The following MOXD1 variants were observed in gnomAD, a reference collection of about 807,000 sequenced individuals.
MOXD1 encodes the protein DBH-like monooxygenase protein 1.
In MOXD1, 62 loss-of-function variants were observed where a neutral mutation model predicts 66.6. That is an observed-to-expected ratio of 0.93 (90% CI 0.76 to 1.15). The LOEUF (loss-of-function observed/expected upper bound fraction) is 1.15, where lower values mean the gene tolerates loss of function less well. Ranked by LOEUF, MOXD1 falls within the 50% of genes most tolerant of loss-of-function variation. The probability of loss-of-function intolerance (pLI) is 0.00; values close to 1 mark genes in which losing one functional copy is unlikely to be tolerated. For synonymous variants in MOXD1, 303 were observed against 281.9 expected (o/e 1.07, Z -0.75); for missense variants, 847 against 754.6 (o/e 1.12, Z -1.44).
At chr6:132,395,928 C>T (rs1270105920) in intron 1 of MOXD1, among the ~76,000 whole-genome samples, 1 of 152,150 alleles carries the variant, frequency 6.6e-6, no homozygotes, top group Non-Finnish European at 1.5e-5. Context: ...GAGTGATAGA[C>T]TCCAACACAG....
intron 1 of MOXD1, among the ~76,000 whole-genome samples, chr6:132,381,646 A>G (rs1013247325): frequency 6.6e-6 from 1 of 152,206 alleles, no homozygotes; most frequent in African/African-American, 2.4e-5. Context: ...AATGAATTTA[A>G]GTCTCCTGAC....
chr6:132,321,632 G>A (rs1458562436), intron 8 of MOXD1, among the ~76,000 whole-genome samples: 21 of 152,086 alleles, frequency 1.4e-4, no homozygotes, highest in Admixed American at 1.2e-3. Context: ...CTCCCTGCAC[G>A]CCACTCAGAG....
chr6:132,305,324 C>A (rs1774664035), intron 10 of MOXD1, among the ~76,000 whole-genome samples: 1 of 152,248 alleles, frequency 6.6e-6, no homozygotes, highest in Admixed American at 6.5e-5. Flanking sequence ...TGGAGGAACT[C>A]CAATGACTCC....
At chr6:132,306,199 G>A (rs528294162) in intron 10 of MOXD1, among the ~76,000 whole-genome samples, 3 of 152,098 alleles carry the variant, frequency 2.0e-5, no homozygotes, top group South Asian at 2.1e-4. Flanking sequence ...AATACAGCAC[G>A]AGAATTTCAT....
chr6:132,399,415 A>G (rs1169082222), intron 1 of MOXD1, among the ~76,000 whole-genome samples: 1 of 152,220 alleles, frequency 6.6e-6, no homozygotes, highest in Admixed American at 6.5e-5. Flanking sequence ...GTATTCACTA[A>G]TTACTTTAAG....
rs191888397 is a variant in MOXD1 at position 132,301,862 on chromosome 6, A to G, written c.1509-3907T>C. ...ATAGCACAGAACTATGATCCCCAAA[A>G]GGAAGGAAACAAATAAGGTGTTTGA... On this transcript the variant is annotated intron_variant, in intron 10 of 11. Transcript: ENST00000367963. 1.5e-3 allele frequency among the ~76,000 whole-genome samples: 227 copies of G among 152,308 alleles called. 1 individual carries two copies. Among genetic ancestry groups the G allele is most frequent in the Non-Finnish European group, 4.6e-4 (31 of 68,026 alleles).
intron 4 of MOXD1, among the ~76,000 whole-genome samples, chr6:132,346,117 G>A (rs1407591732): frequency 6.6e-6 from 1 of 151,744 alleles, no homozygotes; most frequent in East Asian, 1.9e-4. Context: ...CCAAGAAAGG[G>A]CAGAACTTAA....
intron 9 of MOXD1, among the ~76,000 whole-genome samples, chr6:132,318,283 T>C (rs1182881876): frequency 1.3e-5 from 2 of 152,062 alleles, no homozygotes; most frequent in Admixed American, 1.3e-4. Flanking sequence ...AATGCCATAC[T>C]TTTCCCCAAG....
intron 4 of MOXD1, among the ~76,000 whole-genome samples, chr6:132,358,459 G>T (rs1328010920): frequency 1.3e-5 from 2 of 152,152 alleles, no homozygotes; most frequent in Non-Finnish European, 2.9e-5. Context: ...TCTAGAAAAT[G>T]GCAGAGGTAG....
intron 1 of MOXD1, among the ~76,000 whole-genome samples, chr6:132,398,052 C>A (rs925592172): frequency 1.3e-5 from 2 of 152,200 alleles, no homozygotes; most frequent in Non-Finnish European, 2.9e-5. Flanking sequence ...CCTTCCCACT[C>A]CTTCACCCTT....
At chr6:132,343,333 G>A (rs1434779058) in intron 4 of MOXD1, among the ~76,000 whole-genome samples, 3 of 152,198 alleles carry the variant, frequency 2.0e-5, no homozygotes, top group African/African-American at 7.2e-5. Context: ...CCATCACTTT[G>A]GGAGACTGAG....
At chr6:132,297,730 G>A in intron 11 of MOXD1, 57 bp downstream of exon 11, 2 of 1,512,120 alleles carry the variant, frequency 1.3e-6, no homozygotes, top group East Asian at 2.3e-5. Flanking sequence ...AGGTTTTCCT[G>A]TAATAGATTC....
chr6:132,372,503 A>G (rs988389938), intron 4 of MOXD1, 105 bp downstream of exon 4: 3 of 1,114,534 alleles, frequency 2.7e-6, no homozygotes, highest in Middle Eastern at 2.8e-4. Flanking sequence ...AAAACTTTCA[A>G]ATAATTGAAA....
intron 1 of MOXD1, among the ~76,000 whole-genome samples, chr6:132,386,275 G>A (rs1283591655): frequency 6.8e-6 from 1 of 146,154 alleles, no homozygotes; most frequent in Non-Finnish European, 1.5e-5. Flanking sequence ...CGTGGCGGGC[G>A]CCTGTAGTCC....
chr6:132,303,852 T>C (rs547184214), intron 10 of MOXD1, among the ~76,000 whole-genome samples: 1 of 68,662 alleles, frequency 1.5e-5, no homozygotes, highest in Non-Finnish European at 2.4e-5. Context: ...TATATATATA[T>C]ATATATATAT....
chr6:132,313,051 T>C (rs1774865826), intron 10 of MOXD1, among the ~76,000 whole-genome samples: 1 of 106,964 alleles, frequency 9.3e-6, no homozygotes, highest in Non-Finnish European at 1.7e-5. Flanking sequence ...ATGTGATGCT[T>C]GGATTTTTGT....
At chr6:132,318,024 G>A (rs2051029236) in intron 9 of MOXD1, among the ~76,000 whole-genome samples, 1 of 151,854 alleles carries the variant, frequency 6.6e-6, no homozygotes, top group African/African-American at 2.4e-5. Flanking sequence ...AGTTAATATA[G>A]GCAGCTTTCA....
intron 4 of MOXD1, among the ~76,000 whole-genome samples, chr6:132,328,829 A>G (rs773711909): frequency 6.6e-6 from 1 of 152,224 alleles, no homozygotes; most frequent in Non-Finnish European, 1.5e-5. Context: ...TCCAAGAAAC[A>G]GGACTTTACT....
chr6:132,311,063 C>T (rs975203335), intron 10 of MOXD1, among the ~76,000 whole-genome samples: 2 of 152,158 alleles, frequency 1.3e-5, no homozygotes, highest in Non-Finnish European at 2.9e-5. Context: ...TTCAATTGAA[C>T]TTATGAATCC....
Sources: allele counts gnomAD v4.1 joint callset (sites outside exome capture counted in the v4.1 genomes callset), GRCh38; gene constraint gnomAD v4.1.1; transcripts MANE v1.5; gene names NCBI Gene and HGNC (gene_info 2026-07-23, HGNC 2026-07-21).